CERKL: variants seen among roughly 807,000 people sequenced by gnomAD.
CERKL encodes the protein ceramide kinase-like protein.
Under a neutral mutation model 63.4 loss-of-function variants are expected in CERKL, and 61 were observed. The ratio of observed to expected loss-of-function variants is 0.96; its 90% CI spans 0.78 to 1.19. CERKL has a LOEUF of 1.19. Among genes scored for constraint, CERKL ranks in the 50% most tolerant of loss-of-function variants. The probability of loss-of-function intolerance (pLI) is 0.00; values close to 1 mark genes in which losing one functional copy is unlikely to be tolerated. For synonymous variants in CERKL, 250 were observed against 230.5 expected (o/e 1.08, Z -0.77); for missense variants, 675 against 655.5 (o/e 1.03, Z -0.33).
chr2:181,557,553 C>G (rs1398202317), intron 5 of CERKL, among the ~76,000 whole-genome samples: 2 of 152,052 alleles, frequency 1.3e-5, no homozygotes, highest in African/African-American at 4.8e-5. Context: ...TTTTCTGGAT[C>G]ACAGTGTTGC....
At chr2:181,615,169 T>C (rs1391938779) in intron 1 of CERKL, among the ~76,000 whole-genome samples, 2 of 152,204 alleles carry the variant, frequency 1.3e-5, no homozygotes, top group East Asian at 1.9e-4. Flanking sequence ...CCACTTCCTA[T>C]TGTTGTATTT....
At chr2:181,618,120 AGT>A (rs1686282148) in intron 1 of CERKL, among the ~76,000 whole-genome samples, 1 of 152,132 alleles carries the variant, frequency 6.6e-6, no homozygotes, top group African/African-American at 2.4e-5. Flanking sequence ...GACTCAAGAG[AGT>A]GAGAAGGGGG....
At chr2:181,538,463 G>T (rs1687314118) in intron 12 of CERKL, among the ~76,000 whole-genome samples, 1 of 152,042 alleles carries the variant, frequency 6.6e-6, no homozygotes, top group Admixed American at 6.6e-5. Flanking sequence ...ATTGTCCAAT[G>T]CTCTCCATTA....
chr2:181,584,518 G>GAA lies in CERKL; in HGVS notation c.482-10636_482-10635dup, dbSNP rs138102899. On this transcript the variant is annotated intron_variant, in intron 2 of 12. Transcript: ENST00000410087. ...CAGAGCAAGACCTTGTCTCAGAAAAGAAAAAAAAAATCTGCCATGTCTATG... is the reference window on the plus strand; with the variant it reads ...CAGAGCAAGACCTTGTCTCAGAAAAGAAAAAAAAAAAATCTGCCATGTCTATG... Among the ~76,000 whole-genome samples the GAA allele has an allele frequency of 1.3e-4, 20 of 148,378 alleles. No homozygotes were observed. In the East Asian group the frequency reaches 3.2e-3, roughly 23 times the overall value.
intron 5 of CERKL, among the ~76,000 whole-genome samples, chr2:181,554,784 G>A (rs954232651): frequency 6.6e-6 from 1 of 152,112 alleles, no homozygotes; most frequent in African/African-American, 2.4e-5. Flanking sequence ...TGGCTTCAAA[G>A]GCACACTGTC....
chr2:181,650,737 C>A (rs1279043570), intron 1 of CERKL, among the ~76,000 whole-genome samples: 3 of 148,604 alleles, frequency 2.0e-5, no homozygotes, highest in Non-Finnish European at 4.5e-5. Flanking sequence ...CCAGCCTGGG[C>A]AACAAGAGCG....
At chr2:181,561,940 A>G (rs1688467777) in intron 4 of CERKL, among the ~76,000 whole-genome samples, 1 of 152,058 alleles carries the variant, frequency 6.6e-6, no homozygotes, top group Non-Finnish European at 1.5e-5. Context: ...CAGCCTCCCA[A>G]GTAGCTGAGA....
chr2:181,564,369 T>A (rs189943220), intron 4 of CERKL, among the ~76,000 whole-genome samples: 1 of 152,176 alleles, frequency 6.6e-6, no homozygotes, highest in Admixed American at 6.6e-5. Flanking sequence ...TGCCATAGAG[T>A]TTAGAAACAC....
chr2:181,590,330 G>T (rs1354227130), intron 2 of CERKL, among the ~76,000 whole-genome samples: 1 of 151,574 alleles, frequency 6.6e-6, no homozygotes, highest in Non-Finnish European at 1.5e-5. Context: ...AGTAGAGACA[G>T]GGTTTCACTG....
chr2:181,606,180 AAAG>A (rs1221923015), intron 1 of CERKL, among the ~76,000 whole-genome samples: 1 of 147,848 alleles, frequency 6.8e-6, no homozygotes, highest in African/African-American at 2.5e-5. Context: ...GACAGGAAGG[AAAG>A]AAGAAAAAGG....
intron 1 of CERKL, among the ~76,000 whole-genome samples, chr2:181,644,844 G>T (rs1687602372): frequency 6.6e-6 from 1 of 152,150 alleles, no homozygotes; most frequent in African/African-American, 2.4e-5. Flanking sequence ...CACAAAGGAA[G>T]CTAATTCCCA....
At chr2:181,622,583 T>C (rs1686503477) in intron 1 of CERKL, among the ~76,000 whole-genome samples, 1 of 152,070 alleles carries the variant, frequency 6.6e-6, no homozygotes, top group South Asian at 2.1e-4. Flanking sequence ...ATAATGCAAA[T>C]TAAAAATAAA....
intron 3 of CERKL, among the ~76,000 whole-genome samples, 190 bp from the exon 4 acceptor site, chr2:181,566,311 A>G (rs58383411): frequency 0.12 from 18,098 of 152,190 alleles, 1,233 homozygotes; most frequent in East Asian, 0.22. Flanking sequence ...TTATAGCTTT[A>G]TGTAAGAGAA....
At chr2:181,548,322 GGA>G (rs1458420404) in intron 8 of CERKL, 1 of 567,298 alleles carries the variant, frequency 1.8e-6, no homozygotes, top group African/African-American at 2.0e-5. Flanking sequence ...AAGGAGGGAG[GGA>G]GAGACAGGGG....
At chr2:181,576,619 T>A (rs1208809774) in intron 2 of CERKL, among the ~76,000 whole-genome samples, 1 of 152,182 alleles carries the variant, frequency 6.6e-6, no homozygotes. Context: ...CATATAACCT[T>A]AGGTGTTGAA....
At chr2:181,629,871 C>T (rs1328206636) in intron 1 of CERKL, among the ~76,000 whole-genome samples, 2 of 151,596 alleles carry the variant, frequency 1.3e-5, no homozygotes, top group Non-Finnish European at 2.9e-5. Flanking sequence ...TCTTTCCAAG[C>T]CATTTTAATA....
At chr2:181,553,539 C>T (rs1688079761) in intron 5 of CERKL, among the ~76,000 whole-genome samples, 1 of 152,096 alleles carries the variant, frequency 6.6e-6, no homozygotes, top group Non-Finnish European at 1.5e-5. Context: ...AAAATAAAGA[C>T]CATTTATTCC....
At chr2:181,561,933 C>G (rs1161460560) in intron 4 of CERKL, among the ~76,000 whole-genome samples, 2 of 152,158 alleles carry the variant, frequency 1.3e-5, no homozygotes, top group African/African-American at 4.8e-5. Flanking sequence ...CCTGCTTCAG[C>G]CTCCCAAGTA....
intron 2 of CERKL, among the ~76,000 whole-genome samples, chr2:181,585,547 G>A (rs554608326): frequency 2.0e-5 from 3 of 152,064 alleles, no homozygotes; most frequent in East Asian, 3.9e-4. Context: ...TTTTCTGATA[G>A]GTATCTAGAT....
Sources: allele counts gnomAD v4.1 joint callset (sites outside exome capture counted in the v4.1 genomes callset), GRCh38; gene constraint gnomAD v4.1.1; transcripts MANE v1.5; gene names NCBI Gene and HGNC (gene_info 2026-07-23, HGNC 2026-07-21).